The following UPRT variants were observed in gnomAD, a reference collection of about 807,000 sequenced individuals.
UPRT encodes the protein RP11-311P8.3.
Under a neutral mutation model 22.6 loss-of-function variants are expected in UPRT, and 5 were observed. The ratio of observed to expected loss-of-function variants is 0.22; its 90% confidence interval spans 0.12 to 0.47. UPRT has a LOEUF of 0.47. Among genes scored for constraint, UPRT ranks in the 20% least tolerant of loss-of-function variants. The probability of loss-of-function intolerance (pLI) is 0.99; values close to 1 mark genes in which losing one functional copy is unlikely to be tolerated. For missense variants in UPRT, 181 were observed against 239.9 expected (o/e 0.75, Z 1.62); for synonymous variants, 77 against 87.7 (o/e 0.88, Z 0.68).
intron 1 of UPRT, among the ~76,000 whole-genome samples, chrX:75,159,938 G>A (rs1236236624): frequency 3.7e-5 from 4 of 109,006 alleles, no homozygotes; most frequent in East Asian, 2.9e-4. Context: ...CACCACGCCC[G>A]GCTAATTTTT....
At chrX:75,266,456 T>C (rs1377049191) in intron 4 of UPRT, among the ~76,000 whole-genome samples, 7 of 111,573 alleles carry the variant, frequency 6.3e-5, no homozygotes, top group African/African-American at 2.3e-4. Flanking sequence ...GGATTAAAGA[T>C]TTAAATGTTA....
chrX:75,205,324 T>C (rs1429891144), intron 4 of UPRT, among the ~76,000 whole-genome samples: 5 of 100,025 alleles, frequency 5.0e-5, no homozygotes, highest in Admixed American at 4.7e-4. Context: ...GAGCCGAGAT[T>C]GCGCCACTGC....
intron 4 of UPRT, among the ~76,000 whole-genome samples, chrX:75,186,099 T>C (rs984276364): frequency 9.0e-6 from 1 of 111,405 alleles, no homozygotes; most frequent in Admixed American, 9.6e-5. Context: ...TTCTAGTTCT[T>C]TTAATTGTGA....
chrX:75,184,359 C>G (rs1370498317), intron 4 of UPRT, among the ~76,000 whole-genome samples: 8 of 109,294 alleles, frequency 7.3e-5, no homozygotes, highest in Admixed American at 3.9e-4. Context: ...TTTCTGAGGG[C>G]TCTGTTCTGT....
chrX:75,206,957 C>G (rs1011367345), intron 4 of UPRT, among the ~76,000 whole-genome samples: 5 of 112,639 alleles, frequency 4.4e-5, no homozygotes, highest in South Asian at 3.6e-4. Context: ...AGCCACCACA[C>G]TTGGCCAATG....
At chrX:75,262,345 A>T (rs748494317) in intron 4 of UPRT, among the ~76,000 whole-genome samples, 8 of 111,656 alleles carry the variant, frequency 7.2e-5, no homozygotes, top group Non-Finnish European at 1.3e-4. Flanking sequence ...AATTGTAAAG[A>T]CCATCAACAC....
At chrX:75,170,864 A>T (rs1046645838) in intron 4 of UPRT, among the ~76,000 whole-genome samples, 1 of 111,535 alleles carries the variant, frequency 9.0e-6, no homozygotes, top group Non-Finnish European at 1.9e-5. Flanking sequence ...CAAAATTCTT[A>T]GCTGATAATT....
upstream of UPRT, among the ~76,000 whole-genome samples, chrX:75,271,096 G>A (rs1023447920): frequency 9.0e-6 from 1 of 111,120 alleles, no homozygotes; most frequent in Non-Finnish European, 1.9e-5. Flanking sequence ...AATGCCAAAA[G>A]CAATCTACAC....
chrX:75,252,643 T>C (rs5937344), intron 4 of UPRT, among the ~76,000 whole-genome samples: 2 of 110,893 alleles, frequency 1.8e-5, no homozygotes, highest in Non-Finnish European at 3.8e-5. Flanking sequence ...GCGATTCCAC[T>C]AGGATCTAGA....
intron 4 of UPRT, among the ~76,000 whole-genome samples, chrX:75,188,878 C>T (rs767993018): frequency 1.8e-5 from 2 of 111,918 alleles, no homozygotes; most frequent in African/African-American, 3.2e-5. Flanking sequence ...CACCCTGCTT[C>T]GGCTCGCACG....
Position 75,247,331 on chromosome X carries a change from C to CA in UPRT, c.-446-43685dup, listed in dbSNP as rs960819905. Among the ~76,000 whole-genome samples, 18 of 110,131 alleles carry CA rather than the reference C, an allele frequency of 1.6e-4. No individual in the cohort carries two copies. In the South Asian group the frequency reaches 2.0e-3, roughly 12 times the overall value. On this transcript the variant is annotated intron_variant, in intron 4 of 13. Transcript: ENST00000652605. ...GGGTAAGGGAATTCCCTTTCCTAGTCAAAAAAAAGGGGTGACAGATGGCAC... is the reference window on the plus strand; with the variant it reads ...GGGTAAGGGAATTCCCTTTCCTAGTCAAAAAAAAAGGGGTGACAGATGGCAC...
chrX:75,267,914 G>C (rs1228351705), intron 4 of UPRT, among the ~76,000 whole-genome samples: 5 of 111,118 alleles, frequency 4.5e-5, no homozygotes, highest in African/African-American at 1.6e-4. Context: ...TAAGATCAGA[G>C]CAATACTGAA....
At chrX:75,207,132 G>C (rs1234372636) in intron 4 of UPRT, among the ~76,000 whole-genome samples, 1 of 112,325 alleles carries the variant, frequency 8.9e-6, no homozygotes, top group Non-Finnish European at 1.9e-5. Context: ...ATTTTCTATG[G>C]GTGTTCCTTT....
chrX:75,224,012 A>G (rs2082417135), intron 4 of UPRT, among the ~76,000 whole-genome samples: 1 of 111,111 alleles, frequency 9.0e-6, no homozygotes. Context: ...TTTTCTGCAA[A>G]TCCAAATTTA....
intron 4 of UPRT, among the ~76,000 whole-genome samples, chrX:75,185,635 T>C (rs952953705): frequency 2.7e-5 from 3 of 112,053 alleles, no homozygotes; most frequent in Non-Finnish European, 3.8e-5. Flanking sequence ...AATTCCGCTG[T>C]GAATCCATCT....
At chrX:75,188,671 C>A (rs13362950) in intron 4 of UPRT, among the ~76,000 whole-genome samples, 1 of 112,420 alleles carries the variant, frequency 8.9e-6, no homozygotes, top group Non-Finnish European at 1.9e-5. Context: ...TAGCAATCAG[C>A]GAGACTTCGT....
intron 2 of UPRT, among the ~76,000 whole-genome samples, chrX:75,161,991 T>C (rs1433396261): frequency 8.9e-6 from 1 of 111,859 alleles, no homozygotes. Context: ...CCCATGTAGA[T>C]GGCACAATAA....
intron 1 of UPRT, among the ~76,000 whole-genome samples, chrX:75,286,312 G>GT (rs2082680194): frequency 3.6e-5 from 3 of 84,102 alleles, no homozygotes; most frequent in Admixed American, 1.5e-4. Context: ...TACTTGGGGG[G>GT]GGGGTGGGTC....
chrX:75,188,023 CG>C (rs1229939418), intron 4 of UPRT, among the ~76,000 whole-genome samples: 2 of 112,258 alleles, frequency 1.8e-5, no homozygotes, highest in African/African-American at 6.5e-5. Flanking sequence ...TCTCTCAGCT[CG>C]TCCAAGTCAT....
Sources: allele counts gnomAD v4.1 joint callset (sites outside exome capture counted in the v4.1 genomes callset), GRCh38; gene constraint gnomAD v4.1.1; transcripts MANE v1.5; gene names NCBI Gene and HGNC (gene_info 2026-07-23, HGNC 2026-07-21).